The following CLIP1 variants were observed in gnomAD, a reference collection of about 807,000 sequenced individuals.
The protein encoded by CLIP1 is CAP-Gly domain containing linker protein 1, also known as CAP-Gly domain-containing linker protein 1.
A neutral mutation model predicts 161.6 loss-of-function variants in CLIP1; 66 were observed. The ratio of observed to expected loss-of-function variants is 0.41; its 90% confidence interval spans 0.33 to 0.50. CLIP1 has a LOEUF of 0.50. Ranked by LOEUF, CLIP1 falls within the 20% of genes least tolerant of loss-of-function variation. The probability of loss-of-function intolerance (pLI) is 0.27; values close to 1 mark genes in which losing one functional copy is unlikely to be tolerated. For missense variants in CLIP1, 1,376 were observed against 1,702.0 expected (o/e 0.81, Z 3.37); for synonymous variants, 598 against 626.2 (o/e 0.96, Z 0.67).
rs1243743434 is a variant in CLIP1 at position 122,308,360 on chromosome 12, A to G, written c.3594+1402T>C. Among the ~76,000 whole-genome samples, 3 of 152,364 alleles carry G rather than the reference A, an allele frequency of 2.0e-5. No individual in the cohort carries two copies. The East Asian group carries it at 5.8e-4, about 29-fold the overall frequency. ...CACTTAGCCAAAGTCCTTCTCTTCC[A>G]AGTCCCTGTGGACACACTGATGCTG... On this transcript the variant is annotated intron_variant, in intron 20 of 25. Coordinates refer to ENST00000620786, the MANE Select transcript of CLIP1 (RefSeq NM_001247997.2).
intron 1 of CLIP1, among the ~76,000 whole-genome samples, chr12:122,413,246 G>A (rs1318620448): frequency 2.0e-5 from 3 of 152,130 alleles, no homozygotes; most frequent in African/African-American, 7.2e-5. Context: ...CATCCCTACT[G>A]ACTCTTATCT....
At chr12:122,414,559 G>T (rs1355268544) in intron 1 of CLIP1, among the ~76,000 whole-genome samples, 2 of 151,978 alleles carry the variant, frequency 1.3e-5, no homozygotes, top group Admixed American at 6.6e-5. Flanking sequence ...CCACCTCAAA[G>T]GTTCAAGTGA....
chr12:122,271,795 G>A lies in CLIP1; in HGVS notation c.*1080C>T, dbSNP rs10270. The A allele has an allele frequency of 0.45, 68,919 of 152,478 alleles. 17,611 individuals are homozygous for A. The highest frequency in any genetic ancestry group is 0.69 in the African/African-American group (28,535 of 41,472). 9.4% of individuals were successfully genotyped at this position (152,478 alleles called of 1,614,324 possible). A position where few individuals can be genotyped will look rare whatever the true frequency, so the allele number is the denominator to read the frequency against. ...TTCTTTTTTGTGATAAGAAAATCCA[G>A]AATTATTAACGTTGAATTTCTCATC... On this transcript the variant is annotated 3_prime_UTR_variant, in exon 26 of 26. Coordinates refer to ENST00000620786, the MANE Select transcript of CLIP1 (RefSeq NM_001247997.2).
chr12:122,301,349 T>C (rs1226688632), intron 20 of CLIP1, among the ~76,000 whole-genome samples: 1 of 152,208 alleles, frequency 6.6e-6, no homozygotes, highest in Non-Finnish European at 1.5e-5. Context: ...TTCACAAAGT[T>C]TGAAACAATT....
chr12:122,277,785 T>TA (rs11411723), intron 24 of CLIP1: 53,316 of 169,164 alleles, frequency 0.32, 8,827 homozygotes, highest in East Asian at 0.63. Flanking sequence ...TACATAGCTA[T>TA]AAAAAAAATA....
chr12:122,278,041 A>G, intron 24 of CLIP1, 113 bp downstream of exon 24: 1 of 896,210 alleles, frequency 1.1e-6, no homozygotes, highest in South Asian at 1.4e-5. Flanking sequence ...ATGCATTACC[A>G]ATTCAAAAGA....
At chr12:122,413,331 G>A (rs1373458759) in intron 1 of CLIP1, among the ~76,000 whole-genome samples, 4 of 152,002 alleles carry the variant, frequency 2.6e-5, no homozygotes, top group Non-Finnish European at 4.4e-5. Context: ...TTTTAGAATC[G>A]GGGGGAAAAA....
chr12:122,337,406 A>G (rs1270585579), intron 11 of CLIP1, among the ~76,000 whole-genome samples: 1 of 150,002 alleles, frequency 6.7e-6, no homozygotes, highest in African/African-American at 2.5e-5. Context: ...AGACCAGACC[A>G]CTGCACTCCA....
At chr12:122,365,085 T>C (rs1371399907) in intron 3 of CLIP1, among the ~76,000 whole-genome samples, 1 of 151,492 alleles carries the variant, frequency 6.6e-6, no homozygotes, top group Non-Finnish European at 1.5e-5. Context: ...GGGACTGTTG[T>C]GGGGTGGGGG....
In CLIP1 at chr12:122,272,379, A is replaced by C. The variant is rs1319746874; in HGVS notation, c.*496T>G. The C allele has an allele frequency of 1.3e-5, 2 of 159,952 alleles. No homozygotes were observed. Among genetic ancestry groups the C allele is most frequent in the African/African-American group, 4.8e-5 (2 of 41,520 alleles). The allele number at this position is 159,952 out of a possible 1,614,324, so 9.9% of individuals were successfully genotyped here. A position where few individuals can be genotyped will look rare whatever the true frequency, so the allele number is the denominator to read the frequency against. ...ATAACAGGTAGTGCAAAGAGCTCAGATATTTCTTTGAATAAGAATAAAATA... is the reference window on the plus strand; with the variant it reads ...ATAACAGGTAGTGCAAAGAGCTCAGCTATTTCTTTGAATAAGAATAAAATA... On this transcript the variant is annotated 3_prime_UTR_variant, in exon 26 of 26. Coordinates refer to ENST00000620786, the MANE Select transcript of CLIP1 (RefSeq NM_001247997.2).
rs1371274634 is a variant in CLIP1 at position 122,341,632 on chromosome 12, C to T, written c.1572G>A (p.Gln524=). The T allele has an allele frequency of 1.1e-5, 18 of 1,612,964 alleles. No individual in the cohort carries two copies. Among genetic ancestry groups the T allele is most frequent in the Non-Finnish European group, 1.4e-5 (16 of 1,179,972 alleles). Residue 524 remains glutamine (Q), a synonymous_variant, in exon 11 of 26, where the codon CAG becomes CAA. Coordinates refer to ENST00000620786, the MANE Select transcript of CLIP1 (RefSeq NM_001247997.2). The part of the protein sequence containing the change: ...ELEKDLALRV[Q]EVAELRRRLE... ...GCCTTCTTCGGAGCTCAGCTACTTC[C>T]TGTACTCTCAATGCTAGGTCTTTCT...
intron 21 of CLIP1, among the ~76,000 whole-genome samples, chr12:122,287,054 C>T (rs527364954): frequency 3.5e-4 from 54 of 152,118 alleles, no homozygotes; most frequent in Non-Finnish European, 6.0e-4. Flanking sequence ...TGCCTGTAGT[C>T]CCAGCCACTT....
At position 122,323,491 on chromosome 12, in the gene CLIP1, G is replaced by A. The variant is rs950086798; in HGVS notation, c.3250-4143C>T. ...TTGTGTTTGCGGCCTCGAGTTGCACGGTCTCCAGCTCTGCCTTCCTCAGGG... is the reference window on the plus strand; with the variant it reads ...TTGTGTTTGCGGCCTCGAGTTGCACAGTCTCCAGCTCTGCCTTCCTCAGGG... On this transcript the variant is annotated intron_variant, in intron 17 of 25. Coordinates refer to ENST00000620786, the MANE Select transcript of CLIP1 (RefSeq NM_001247997.2). This position sits in a 1 kb window ranked among gnomAD's most constrained non-coding sequence, Gnocchi z 4.1. 2.0e-5 allele frequency: 3 copies of A among 152,562 alleles called. No individual in the cohort carries two copies. The highest frequency in any genetic ancestry group is 6.6e-5 in the Admixed American group (1 of 15,256). 9.5% of individuals were successfully genotyped at this position (152,562 alleles called of 1,614,324 possible).
chr12:122,362,757 G>C (rs544899334), intron 4 of CLIP1, among the ~76,000 whole-genome samples: 35 of 125,932 alleles, frequency 2.8e-4, no homozygotes, highest in African/African-American at 1.0e-3. Context: ...GTATAGCATT[G>C]AGAAGACCCA....
intron 21 of CLIP1, among the ~76,000 whole-genome samples, chr12:122,288,135 T>G (rs771915883): frequency 1.3e-5 from 2 of 151,772 alleles, no homozygotes; most frequent in South Asian, 2.1e-4. Flanking sequence ...CAGGTTCAAG[T>G]GATTCTCCTG....
chr12:122,317,063 A>G (rs923319353), intron 18 of CLIP1, among the ~76,000 whole-genome samples: 1 of 149,112 alleles, frequency 6.7e-6, no homozygotes, highest in African/African-American at 2.6e-5. Context: ...ATATATATAT[A>G]TCCTGTACAC....
chr12:122,339,361 G>A (rs1952386453), intron 11 of CLIP1, among the ~76,000 whole-genome samples: 1 of 151,960 alleles, frequency 6.6e-6, no homozygotes, highest in African/African-American at 2.4e-5. Flanking sequence ...TTTTGGAGAT[G>A]GAGTCTTGCT....
intron 12 of CLIP1, among the ~76,000 whole-genome samples, chr12:122,336,007 T>A (rs1330126361): frequency 1.3e-5 from 2 of 152,066 alleles, no homozygotes; most frequent in Non-Finnish European, 2.9e-5. Context: ...CTCATGAGTA[T>A]CAGCCTTGTT....
intron 1 of CLIP1, among the ~76,000 whole-genome samples, chr12:122,422,293 T>C (rs1336738129): frequency 6.6e-6 from 1 of 151,482 alleles, no homozygotes; most frequent in East Asian, 2.0e-4. Context: ...GGCCGCCACT[T>C]TTCCAGCTCC....
Sources: allele counts gnomAD v4.1 joint callset (sites outside exome capture counted in the v4.1 genomes callset), GRCh38; gene constraint gnomAD v4.1.1; non-coding constraint Gnocchi (gnomAD v3.1); transcripts MANE v1.5; gene names NCBI Gene and HGNC (gene_info 2026-07-23, HGNC 2026-07-21).